The following PHRF1 variants were observed in gnomAD, a reference collection of about 807,000 sequenced individuals.
PHRF1 encodes the protein PHD and ring finger domains 1.
In PHRF1, 53 loss-of-function variants were observed where a neutral mutation model predicts 128.9. The observed-to-expected ratio is 0.41, with a 90% CI of 0.33 to 0.52. The LOEUF (loss-of-function observed/expected upper bound fraction) is 0.52, where lower values mean the gene tolerates loss of function less well. PHRF1 is among the 20% of genes least tolerant of loss of function. PHRF1 has a pLI of 0.21. For synonymous variants in PHRF1, 1,178 were observed against 980.6 expected (o/e 1.20, Z -3.76); for missense variants, 2,503 against 2,284.5 (o/e 1.10, Z -1.95).
Position 597,280 on chromosome 11 carries a change from G to C in PHRF1, c.719-115G>C. The C allele has an allele frequency of 7.4e-7, 1 of 1,343,604 alleles. No individual in the cohort carries two copies. Among genetic ancestry groups the C allele is most frequent in the South Asian group, 1.4e-5 (1 of 70,656 alleles). 83.2% of individuals were successfully genotyped at this position (1,343,604 alleles called of 1,614,324 possible). On this transcript the variant is annotated intron_variant, in intron 7 of 17. Transcript: ENST00000264555. The surrounding 1 kb of genome is among the most constrained non-coding windows in gnomAD (Gnocchi z 6.5). ...GGCTCCATGAGCAGCCCTGGGTCCT[G>C]TGCACAGGTCAGCCCGAGCCAGGGC...
chr11:608,161 T>C lies in PHRF1; in HGVS notation c.2705T>C (p.Met902Thr), dbSNP rs768151617. 8.1e-6 allele frequency: 13 copies of C among 1,610,788 alleles called. No individual in the cohort carries two copies. In the East Asian group the frequency reaches 8.9e-5, roughly 11 times the overall value. ...PEPPLGPSSAMSKLRGAVAAE... is the reference protein window; with the variant it reads ...PEPPLGPSSATSKLRGAVAAE... ...CCCCCTCTCGGACCGTCCTCCGCCA[T>C]GTCCAAGCTCCGGGGTGCAGTGGCT... Residue 902 changes from methionine to threonine, a missense_variant, in exon 14 of 18, where the codon ATG (methionine) becomes ACG (threonine). Coordinates refer to ENST00000264555, the MANE Select transcript of PHRF1 (RefSeq NM_001286581.2).
Position 609,100 on chromosome 11 carries a change from ACCT to A in PHRF1, c.3647_3649del (p.Leu1216del). ...GCACAGGGGGAGCCAGGGCGGGAAG[ACCT>A]CCCCACCAGGTTGCCAGCCTTGGGG... On this transcript the variant is annotated inframe_deletion, in exon 14 of 18. Transcript: ENST00000264555. 1 of 1,603,898 alleles carries A rather than the reference ACCT, an allele frequency of 6.2e-7. No individual in the cohort carries two copies. The highest frequency in any genetic ancestry group is 8.5e-7 in the Non-Finnish European group (1 of 1,176,220).
Position 597,581 on chromosome 11 carries a change from C to T in PHRF1, c.894+11C>T, listed in dbSNP as rs1472602002. 2 of 1,607,182 alleles carry T rather than the reference C, an allele frequency of 1.2e-6. No individual in the cohort carries two copies. The highest frequency in any genetic ancestry group is 1.1e-5 in the South Asian group (1 of 89,714). On this transcript the variant is annotated intron_variant, in intron 8 of 17. Transcript: ENST00000264555. The surrounding 1 kb of genome is among the most constrained non-coding windows in gnomAD (Gnocchi z 6.5). ...GCCAGGAGGGTCCAGGTGGGTGGCC[C>T]AGCCCTGACGCCAGTCGTAGAACCC...
At chr11:594,871 C>T (rs1404340422) in intron 6 of PHRF1, among the ~76,000 whole-genome samples, 1 of 146,750 alleles carries the variant, frequency 6.8e-6, no homozygotes, top group Non-Finnish European at 1.5e-5. Context: ...TTTCTACCTA[C>T]ACTACTTGAA....
rs1354349603 is a variant in PHRF1 at position 606,522 on chromosome 11, G to C, written c.1535G>C (p.Gly512Ala). ...GACCTGCTGGGCAGCATCCTGTCGG[G>C]CCAGAGCCTCCTGATGCTGGGCAGC... ...VPDLLGSILSGQSLLMLGSSD... is the reference protein window; with the variant it reads ...VPDLLGSILSAQSLLMLGSSD... The change falls in exon 13 of 18, where the codon GGC becomes GCC. Residue 512 changes from glycine to alanine, a missense_variant. Transcript: ENST00000264555. The C allele has an allele frequency of 6.2e-7, 1 of 1,609,898 alleles. No homozygotes were observed. The highest frequency in any genetic ancestry group is 1.1e-5 in the South Asian group (1 of 90,866).
chr11:607,920 A>T lies in PHRF1; in HGVS notation c.2464A>T (p.Thr822Ser), dbSNP rs1190673201. 1 of 1,612,568 alleles carries T rather than the reference A, an allele frequency of 6.2e-7. No individual in the cohort carries two copies. The highest frequency in any genetic ancestry group is 8.5e-7 in the Non-Finnish European group (1 of 1,179,858). ...CTCACCCCTCTTCTCCATCAAGAAG[A>T]CGAAGCAGCTGCGGAGCGAGGTCTA... ...NPSPLFSIKK[T>S]KQLRSEVYDP... The change falls in exon 14 of 18, where the codon ACG becomes TCG. Residue 822 changes from threonine to serine, a missense_variant. Transcript: ENST00000264555.
chr11:592,280 G>A (rs1261519732), intron 5 of PHRF1, among the ~76,000 whole-genome samples: 2 of 148,620 alleles, frequency 1.3e-5, no homozygotes, highest in Non-Finnish European at 3.0e-5. Context: ...CTGCTGCCTC[G>A]CCCTACTGCG....
rs372016767 is a variant in PHRF1 at position 607,980 on chromosome 11, G to A, written c.2524G>A (p.Ala842Thr). 2.2e-5 allele frequency: 35 copies of A among 1,611,260 alleles called. No homozygotes were observed. The African/African-American group carries it at 2.8e-4, about 13-fold the overall frequency. The change falls in exon 14 of 18, where the codon GCC (alanine) becomes ACC (threonine). Residue 842 changes from alanine to threonine, a missense_variant. Physicochemically the swap from Ala to Thr is moderately conservative, Grantham distance 58. Coordinates refer to ENST00000264555, the MANE Select transcript of PHRF1 (RefSeq NM_001286581.2). The part of the protein sequence containing the change: ...PSDPTGSDSS[A>T]PGSSPERSGP... ...CGACCCCACCGGCTCCGACTCCAGC[G>A]CCCCTGGCAGCAGCCCCGAGAGGTC...
Position 581,542 on chromosome 11 carries a change from G to A in PHRF1, c.30G>A (p.Val10=). MDDDSLDEL[V]ARSPGPDGHP... Reference sequence around the variant, plus strand: ...ATGACGACAGCCTGGATGAGCTTGTGGCCCGGAGCCCAGGGCCGGATGGAC... The same window carrying A: ...ATGACGACAGCCTGGATGAGCTTGTAGCCCGGAGCCCAGGGCCGGATGGAC... The change falls in exon 2 of 18, where the codon GTG becomes GTA. Residue 10 remains valine (V), a synonymous_variant. Transcript: ENST00000264555. The A allele has an allele frequency of 6.2e-7, 1 of 1,613,646 alleles. No individual in the cohort carries two copies. Among genetic ancestry groups the A allele is most frequent in the Non-Finnish European group, 8.5e-7 (1 of 1,179,900 alleles).
In PHRF1 at chr11:582,521, A is replaced by G. The variant is rs889418083; in HGVS notation, c.214+440A>G. The stretch of plus-strand genomic sequence containing the variant: ...AAGTGAGCCGCTGTGCCTGGCCTGT[A>G]GTCCTCCTTTTTTTTCTTTTTTGAG... On this transcript the variant is annotated intron_variant, in intron 3 of 17. Transcript: ENST00000264555. Among the ~76,000 whole-genome samples, 4 of 151,200 alleles carry G rather than the reference A, an allele frequency of 2.6e-5. No homozygotes were observed. The East Asian group carries it at 7.9e-4, about 30-fold the overall frequency.
chr11:605,476 C>A, intron 11 of PHRF1, 129 bp from the exon 12 acceptor site: 3 of 1,493,534 alleles, frequency 2.0e-6, no homozygotes, highest in South Asian at 1.3e-5. Context: ...AGGTCTGGTT[C>A]GGGGCCCGAA....
intron 9 of PHRF1, among the ~76,000 whole-genome samples, chr11:600,742 G>A (rs1260016941): frequency 2.0e-5 from 3 of 152,122 alleles, no homozygotes; most frequent in Middle Eastern, 3.4e-3. Flanking sequence ...CGAGGTGGGC[G>A]GATCACGAGG....
intron 1 of PHRF1, 147 bp from the exon 2 acceptor site, chr11:581,345 T>G: frequency 1.6e-6 from 1 of 643,758 alleles, no homozygotes; most frequent in Non-Finnish European, 2.7e-6. Flanking sequence ...AGTTGTTCTG[T>G]GGGTGATATC....
At chr11:587,559 G>C in intron 4 of PHRF1, 95 bp downstream of exon 4, 1 of 1,312,576 alleles carries the variant, frequency 7.6e-7, no homozygotes, top group Admixed American at 1.8e-5. Flanking sequence ...TGAGGTTCTA[G>C]TTGTCTGCTC....
rs754658303 is a variant in PHRF1, at chr11:599,253, C to CTT, written c.1024+769_1024+770dup. Among the ~76,000 whole-genome samples the CTT allele has an allele frequency of 3.3e-3, 348 of 104,982 alleles. 9 individuals carry two copies. Among genetic ancestry groups the CTT allele is most frequent in the Middle Eastern group, 7.0e-3 (1 of 142 alleles). 68.9% of individuals were successfully genotyped at this position (104,982 alleles called of 152,430 possible). A position where few individuals can be genotyped will look rare whatever the true frequency, so the allele number is the denominator to read the frequency against. On this transcript the variant is annotated intron_variant, in intron 9 of 17. Coordinates refer to ENST00000264555, the MANE Select transcript of PHRF1 (RefSeq NM_001286581.2). ...TACTTTTTCTTTTTTTTTTTCTTTTCTTTTTTTTTTTTTTTTTTTGAGACA... is the reference window on the plus strand; with the variant it reads ...TACTTTTTCTTTTTTTTTTTCTTTTCTTTTTTTTTTTTTTTTTTTTTGAGACA...
chr11:586,833 T>C (rs571398321), intron 3 of PHRF1, among the ~76,000 whole-genome samples: 64 of 152,066 alleles, frequency 4.2e-4, no homozygotes, highest in Admixed American at 4.1e-3. Context: ...GTCCTCATGC[T>C]TTGAGAAGGG....
intron 11 of PHRF1, 150 bp downstream of exon 11, chr11:605,450 G>T: frequency 1.4e-6 from 2 of 1,472,714 alleles, no homozygotes; most frequent in Non-Finnish European, 1.8e-6. Flanking sequence ...GTGCAGGTGG[G>T]TGGCGTGGAA....
At chr11:598,211 G>T (rs1252823791) in intron 8 of PHRF1, among the ~76,000 whole-genome samples, 162 bp from the exon 9 acceptor site, 1 of 152,216 alleles carries the variant, frequency 6.6e-6, no homozygotes, top group Non-Finnish European at 1.5e-5. Flanking sequence ...GCCTCTGGCA[G>T]GGGAGAGGAA....
At position 597,245 on chromosome 11, in the gene PHRF1, A is replaced by T; in HGVS notation, c.719-150A>T. The T allele has an allele frequency of 1.9e-6, 2 of 1,040,970 alleles. No homozygotes were observed. The highest frequency in any genetic ancestry group is 2.7e-6 in the Non-Finnish European group (2 of 730,874). The allele number at this position is 1,040,970 out of a possible 1,614,324, so 64.5% of individuals were successfully genotyped here. On this transcript the variant is annotated intron_variant, in intron 7 of 17. Coordinates refer to ENST00000264555, the MANE Select transcript of PHRF1 (RefSeq NM_001286581.2). The surrounding 1 kb of genome is among the most constrained non-coding windows in gnomAD (Gnocchi z 6.5). ...CTGGGGGGTTCCGGTCCTCAGTGTT[A>T]GGAGCACCAGGCTCCATGAGCAGCC... is the stretch of plus-strand genomic sequence containing the variant.
Sources: gnomAD v4.1 joint callset for allele counts (sites outside exome capture counted in the v4.1 genomes callset) on GRCh38, gnomAD v4.1.1 for gene constraint, Gnocchi (gnomAD v3.1) non-coding constraint, MANE v1.5 for transcripts, NCBI Gene and HGNC (gene_info 2026-07-23, HGNC 2026-07-21) for gene names.